MCF2L: variants seen among roughly 807,000 people sequenced by gnomAD.
MCF2L encodes guanine nucleotide exchange factor DBS.
Under a neutral mutation model 153.4 loss-of-function variants are expected in MCF2L, and 97 were observed. The ratio of observed to expected loss-of-function variants is 0.63; its 90% confidence interval spans 0.54 to 0.75. MCF2L has a LOEUF of 0.75. Ranked by LOEUF, MCF2L falls within the 30% of genes least tolerant of loss-of-function variation. The pLI is 0.00. For missense variants in MCF2L, 1,347 were observed against 1,495.2 expected (o/e 0.90, Z 1.64); for synonymous variants, 659 against 632.2 (o/e 1.04, Z -0.64).
chr13:112,912,466 G>A (rs1308659531), intron 2 of MCF2L, among the ~76,000 whole-genome samples: 15 of 152,072 alleles, frequency 9.9e-5, no homozygotes, highest in East Asian at 1.9e-4. Flanking sequence ...ACAAGCGCAC[G>A]CCACCACACC....
In MCF2L at chr13:113,046,705, C is replaced by A. The variant is rs891979951; in HGVS notation, c.369+1344C>A. 1.1e-5 allele frequency: 6 copies of A among 524,526 alleles called. No homozygotes were observed. The African/African-American group carries it at 1.2e-4, about 10-fold the overall frequency. 32.5% of individuals were successfully genotyped at this position (524,526 alleles called of 1,614,324 possible). The stretch of plus-strand genomic sequence containing the variant: ...CGAAGTCTTTAGGATGAGGCATCTC[C>A]TTGCACCCCCACGGCACCTCTCTGC... On this transcript the variant is annotated intron_variant, in intron 4 of 29. Coordinates refer to ENST00000535094, the MANE Select transcript of MCF2L (RefSeq NM_001112732.3). This position sits in a 1 kb window ranked among gnomAD's most constrained non-coding sequence, Gnocchi z 4.4.
intron 2 of MCF2L, among the ~76,000 whole-genome samples, chr13:112,919,472 TG>T (rs1240173390): frequency 6.6e-6 from 1 of 152,152 alleles, no homozygotes; most frequent in Non-Finnish European, 1.5e-5. Context: ...CCCAAAGTGC[TG>T]GGATTACAGG....
At position 113,044,911 on chromosome 13, in the gene MCF2L, G is replaced by A. The variant is rs757204610; in HGVS notation, c.279-360G>A. On this transcript the variant is annotated intron_variant, in intron 3 of 29. Transcript: ENST00000535094. ...GATGTATGCGCCATAAGACTGTTTT[G>A]GAGGGTTTAGTCAGCTGGTCACCCA... 8 of 1,611,630 alleles carry A rather than the reference G, an allele frequency of 5.0e-6. No homozygotes were observed. The Admixed American group carries it at 1.3e-4, about 27-fold the overall frequency.
chr13:113,074,389 C>T lies in MCF2L; in HGVS notation c.997-55C>T. ...CTGATCTGGAGCACTGGAGTGGGTT[C>T]TCTCTGTTCAGGTGAGGGAGACACC... On this transcript the variant is annotated intron_variant, in intron 9 of 29. Transcript: ENST00000535094. This position sits in a 1 kb window ranked among gnomAD's most constrained non-coding sequence, Gnocchi z 4.2. 1 of 1,587,708 alleles carries T rather than the reference C, an allele frequency of 6.3e-7. No homozygotes were observed. Among genetic ancestry groups the T allele is most frequent in the East Asian group, 2.3e-5 (1 of 44,200 alleles).
intron 1 of MCF2L, among the ~76,000 whole-genome samples, chr13:112,992,873 G>A (rs191908580): frequency 7.9e-5 from 12 of 152,300 alleles, no homozygotes; most frequent in African/African-American, 2.4e-4. Flanking sequence ...TTATATTTGA[G>A]CTAGGACAAA....
intron 3 of MCF2L, among the ~76,000 whole-genome samples, chr13:113,041,988 C>T (rs1339467382): frequency 6.6e-6 from 1 of 152,188 alleles, no homozygotes; most frequent in Non-Finnish European, 1.5e-5. Flanking sequence ...AGGATCATAG[C>T]ACCAGCCTCA....
Position 113,045,058 on chromosome 13 carries a change from A to G in MCF2L, c.279-213A>G, listed in dbSNP as rs1566791346. On this transcript the variant is annotated intron_variant, in intron 3 of 29. Transcript: ENST00000535094. The surrounding 1 kb of genome is among the most constrained non-coding windows in gnomAD (Gnocchi z 4.2). Reference sequence around the variant, plus strand: ...TTAGGCTGAGAAATAAGAACACACCAAAAGTGCCTGCCCTTCCGTAGATGA... The same window carrying G: ...TTAGGCTGAGAAATAAGAACACACCGAAAGTGCCTGCCCTTCCGTAGATGA... 1 of 1,057,090 alleles carries G rather than the reference A, an allele frequency of 9.5e-7. No homozygotes were observed. The highest frequency in any genetic ancestry group is 1.4e-6 in the Non-Finnish European group (1 of 725,346). 65.5% of individuals were successfully genotyped at this position (1,057,090 alleles called of 1,614,324 possible).
chr13:112,961,501 G>A (rs1037018434), intron 2 of MCF2L, among the ~76,000 whole-genome samples: 1 of 152,214 alleles, frequency 6.6e-6, no homozygotes, highest in Non-Finnish European at 1.5e-5. Flanking sequence ...TCCTCCTCAG[G>A]GAACATGGTC....
At chr13:112,994,926 A>C (rs2083060623) in intron 1 of MCF2L, among the ~76,000 whole-genome samples, 1 of 152,202 alleles carries the variant, frequency 6.6e-6, no homozygotes, top group Admixed American at 6.5e-5. Flanking sequence ...TTTATCGCCC[A>C]AAAAGGGGAA....
At chr13:112,896,635 A>T (rs761600421) in intron 1 of MCF2L, among the ~76,000 whole-genome samples, 1 of 152,166 alleles carries the variant, frequency 6.6e-6, no homozygotes, top group Non-Finnish European at 1.5e-5. Flanking sequence ...AGGCTCCTGG[A>T]GCAGCCACAG....
At chr13:112,967,412 T>C (rs2081907467), upstream of MCF2L, 2 of 152,166 alleles carry the variant, frequency 1.3e-5, 1 homozygote, top group South Asian at 4.1e-4. Context: ...CCAAAGAGAT[T>C]CTGTAGAACC....
intron 8 of MCF2L, among the ~76,000 whole-genome samples, chr13:113,066,856 G>A (rs2032451195): frequency 1.3e-5 from 2 of 152,234 alleles, no homozygotes; most frequent in Admixed American, 6.5e-5. Context: ...GGGCCGTGCG[G>A]GGCGCACCCA....
upstream of MCF2L, chr13:112,968,778 C>T: frequency 3.7e-6 from 5 of 1,348,140 alleles, 1 homozygote; most frequent in South Asian, 5.5e-5. Context: ...GGTCCACTCG[C>T]GGCTTCGCGG....
intron 21 of MCF2L, 114 bp downstream of exon 21, chr13:113,086,363 G>T (rs2034638055): frequency 1.1e-5 from 16 of 1,476,200 alleles, no homozygotes; most frequent in Non-Finnish European, 1.4e-5. Context: ...TGCAGGTTCT[G>T]GGCAGGAGGT....
chr13:112,927,630 C>T (rs745799635), intron 2 of MCF2L, among the ~76,000 whole-genome samples: 1 of 152,126 alleles, frequency 6.6e-6, no homozygotes, highest in Non-Finnish European at 1.5e-5. Flanking sequence ...TCACAGAAGG[C>T]GAGTTGGACA....
In MCF2L at chr13:112,904,765, A is replaced by T. The variant is rs931969937; in HGVS notation, c.169+2394A>T. 1.3e-5 allele frequency among the ~76,000 whole-genome samples: 2 copies of T among 152,194 alleles called. No individual in the cohort carries two copies. Among genetic ancestry groups the T allele is most frequent in the African/African-American group, 4.8e-5 (2 of 41,450 alleles). On this transcript the variant is annotated intron_variant, in intron 2 of 29. Coordinates refer to the MCF2L transcript ENST00000375608. The surrounding 1 kb of genome is among the most constrained non-coding windows in gnomAD (Gnocchi z 4.2). ...GGACTGCGGCCTGCGGGAGAACCGC[A>T]CTCGGCTCTCAGGCCCTGCCTGCAC... is the stretch of plus-strand genomic sequence containing the variant.
At chr13:113,012,357 A>G (rs1159583286) in intron 1 of MCF2L, among the ~76,000 whole-genome samples, 1 of 93,180 alleles carries the variant, frequency 1.1e-5, no homozygotes, top group African/African-American at 3.8e-5. Flanking sequence ...GACGGTGGAC[A>G]CTGTGATGCG....
Position 112,983,560 on chromosome 13 carries a change from CGG to C in MCF2L, c.79+14103_79+14104del. 6.6e-6 allele frequency among the ~76,000 whole-genome samples: 1 copy of C among 152,348 alleles called. No homozygotes were observed. The highest frequency in any genetic ancestry group is 6.5e-5 in the Admixed American group (1 of 15,308). ...TCTCCAAAGCCCGTGGTGCTGGGCA[CGG>C]CAGAGCCGTAGGCGGAGACAGGGAG... On this transcript the variant is annotated intron_variant, in intron 1 of 29. Transcript: ENST00000535094. This position sits in a 1 kb window ranked among gnomAD's most constrained non-coding sequence, Gnocchi z 4.0.
At chr13:112,968,147 G>GA, upstream of MCF2L, among the ~76,000 whole-genome samples, 1 of 148,038 alleles carries the variant, frequency 6.8e-6, no homozygotes, top group East Asian at 2.0e-4. Context: ...TGAGGTGGGG[G>GA]GGGGGGTCTT....
Sources: gnomAD v4.1 joint callset for allele counts (sites outside exome capture counted in the v4.1 genomes callset) on GRCh38, gnomAD v4.1.1 for gene constraint, Gnocchi (gnomAD v3.1) non-coding constraint, MANE v1.5 for transcripts, NCBI Gene and HGNC (gene_info 2026-07-23, HGNC 2026-07-21) for gene names.